The following TBCA variants were observed in gnomAD, a reference collection of about 807,000 sequenced individuals.
TBCA encodes the protein tubulin folding cofactor A.
Under a neutral mutation model 15.8 loss-of-function variants are expected in TBCA, and 6 were observed. The observed-to-expected ratio is 0.38, with a 90% CI of 0.21 to 0.75. TBCA has a LOEUF of 0.75. Ranked by LOEUF, TBCA falls within the 30% of genes least tolerant of loss-of-function variation. The pLI is 0.46. For synonymous variants in TBCA, 32 were observed against 42.3 expected, an observed-to-expected ratio of 0.76 and a Z score of 0.94; for missense variants, 90 against 131.2, an observed-to-expected ratio of 0.69 and a Z score of 1.53.
chr5:77,735,876 C>A (rs1196380801), intron 1 of TBCA, among the ~76,000 whole-genome samples: 1 of 152,212 alleles, frequency 6.6e-6, no homozygotes, highest in Admixed American at 6.5e-5. Context: ...AAAAACAAAA[C>A]AAAATAAAAC....
At chr5:77,719,626 A>G (rs934405300) in intron 1 of TBCA, among the ~76,000 whole-genome samples, 1 of 152,242 alleles carries the variant, frequency 6.6e-6, no homozygotes, top group African/African-American at 2.4e-5. Context: ...ATTTTAAAAA[A>G]TAAGTTAGAC....
At chr5:77,768,495 A>G (rs905291599) in intron 1 of TBCA, among the ~76,000 whole-genome samples, 3 of 152,224 alleles carry the variant, frequency 2.0e-5, no homozygotes, top group Non-Finnish European at 4.4e-5. Flanking sequence ...ACTATATTGC[A>G]AGAATATAGT....
intron 1 of TBCA, among the ~76,000 whole-genome samples, chr5:77,772,348 A>T (rs1747934432): frequency 2.6e-5 from 4 of 152,120 alleles, no homozygotes; most frequent in Admixed American, 1.3e-4. Flanking sequence ...ATAGATTTTT[A>T]AAAATAGGTT....
intron 1 of TBCA, among the ~76,000 whole-genome samples, chr5:77,740,414 C>G (rs1055634861): frequency 6.6e-5 from 10 of 151,838 alleles, no homozygotes; most frequent in African/African-American, 2.2e-4. Context: ...TGGTGGTGAC[C>G]CAGACAAGAG....
chr5:77,751,167 T>C (rs1421658551), intron 1 of TBCA, among the ~76,000 whole-genome samples: 25 of 139,620 alleles, frequency 1.8e-4, no homozygotes, highest in South Asian at 1.4e-3. Context: ...TTCTTTTTTT[T>C]TTTTTTTTTT....
At chr5:77,751,008 T>C (rs935084087) in intron 1 of TBCA, among the ~76,000 whole-genome samples, 3 of 152,214 alleles carry the variant, frequency 2.0e-5, no homozygotes, top group South Asian at 2.1e-4. Flanking sequence ...GGTTTTGTCA[T>C]GCAGATGAAG....
chr5:77,728,626 A>G (rs1225480726), intron 1 of TBCA, among the ~76,000 whole-genome samples: 1 of 152,226 alleles, frequency 6.6e-6, no homozygotes, highest in African/African-American at 2.4e-5. Context: ...GTGTGTTAAA[A>G]AAAAGTCAAA....
At chr5:77,750,138 C>CTATA (rs1381929928) in intron 1 of TBCA, among the ~76,000 whole-genome samples, 23 of 140,012 alleles carry the variant, frequency 1.6e-4, no homozygotes, top group East Asian at 9.4e-4. Context: ...TGTGCTCTCT[C>CTATA]TCTATATATA....
At chr5:77,756,341 T>C (rs906038980) in intron 1 of TBCA, among the ~76,000 whole-genome samples, 1 of 150,296 alleles carries the variant, frequency 6.7e-6, no homozygotes, top group Non-Finnish European at 1.5e-5. Context: ...GAGTTCCCTG[T>C]AGGGCTGCTG....
At chr5:77,694,440 T>C (rs1745827915) in intron 2 of TBCA, among the ~76,000 whole-genome samples, 1 of 152,054 alleles carries the variant, frequency 6.6e-6, no homozygotes, top group Admixed American at 6.5e-5. Context: ...AACTGGACTA[T>C]AACACATCAA....
chr5:77,733,206 T>C (rs1398274749), intron 1 of TBCA, among the ~76,000 whole-genome samples: 2 of 152,064 alleles, frequency 1.3e-5, no homozygotes, highest in African/African-American at 4.8e-5. Context: ...ACTTGAACCC[T>C]GGAGGCAGAG....
chr5:77,736,202 G>C (rs925959302), intron 1 of TBCA, among the ~76,000 whole-genome samples: 1 of 152,082 alleles, frequency 6.6e-6, no homozygotes, highest in Admixed American at 6.5e-5. Context: ...TGGGCGTGGT[G>C]GTGGTTGCCT....
chr5:77,765,325 G>A (rs768774885), intron 1 of TBCA, among the ~76,000 whole-genome samples: 3 of 152,168 alleles, frequency 2.0e-5, no homozygotes, highest in Non-Finnish European at 2.9e-5. Flanking sequence ...TGGGTGTTAG[G>A]GACCCCAAGG....
At chr5:77,760,688 G>A (rs1300482823) in intron 1 of TBCA, among the ~76,000 whole-genome samples, 1 of 152,238 alleles carries the variant, frequency 6.6e-6, no homozygotes, top group Non-Finnish European at 1.5e-5. Flanking sequence ...CTCCCGAGGT[G>A]CTGGGATTGC....
At chr5:77,706,657 C>A (rs1195065430) in intron 2 of TBCA, among the ~76,000 whole-genome samples, 1 of 151,410 alleles carries the variant, frequency 6.6e-6, no homozygotes, top group Non-Finnish European at 1.5e-5. Flanking sequence ...ACTAAAAATA[C>A]AAAATTAGCT....
At position 77,703,716 on chromosome 5, in the gene TBCA, T is replaced by G. The variant is rs375613241; in HGVS notation, c.159+4526A>C. Among the ~76,000 whole-genome samples, 58 of 152,146 alleles carry G rather than the reference T, an allele frequency of 3.8e-4. No homozygotes were observed. In the East Asian group the frequency reaches 9.3e-3, roughly 24 times the overall value. On this transcript the variant is annotated intron_variant, in intron 2 of 3. Coordinates refer to ENST00000380377, the MANE Select transcript of TBCA (RefSeq NM_004607.3). ...CTCAGCCTCCCAGGTGGCTGGGACT[T>G]TTGGGTGCACACCACCACACCCAGC...
chr5:77,696,943 G>C (rs1745885017), intron 2 of TBCA, among the ~76,000 whole-genome samples: 1 of 152,052 alleles, frequency 6.6e-6, no homozygotes, highest in Non-Finnish European at 1.5e-5. Context: ...ATCAGGAGTG[G>C]CTAAACTAAT....
At chr5:77,714,809 G>A (rs946492319) in intron 1 of TBCA, among the ~76,000 whole-genome samples, 6 of 151,964 alleles carry the variant, frequency 3.9e-5, no homozygotes, top group Middle Eastern at 6.8e-3. Flanking sequence ...CTTGTGATCC[G>A]CCCACCTCGA....
At chr5:77,772,735 A>G (rs1700389005) in intron 1 of TBCA, among the ~76,000 whole-genome samples, 1 of 152,180 alleles carries the variant, frequency 6.6e-6, no homozygotes, top group African/African-American at 2.4e-5. Context: ...TTTAAAATGT[A>G]TGGGAGACAC....
Sources: gnomAD v4.1 joint callset for allele counts (sites outside exome capture counted in the v4.1 genomes callset) on GRCh38, gnomAD v4.1.1 for gene constraint, MANE v1.5 for transcripts, NCBI Gene and HGNC (gene_info 2026-07-23, HGNC 2026-07-21) for gene names.